Variants in RNASE10 observed in about 807,000 individuals in gnomAD.
RNASE10 encodes inactive ribonuclease-like protein 10.
Under a neutral mutation model 1.1 loss-of-function variants are expected in RNASE10, and 2 were observed. That is an observed-to-expected ratio of 1.82 (90% confidence interval 0.74 to 5.73). RNASE10 has a LOEUF of 5.73. Among genes scored for constraint, RNASE10 ranks in the 30% most tolerant of loss-of-function variants. The probability of loss-of-function intolerance (pLI) is 0.05; values close to 1 mark genes in which losing one functional copy is unlikely to be tolerated. For missense variants in RNASE10, 276 were observed against 263.4 expected (o/e 1.05, Z -0.33); for synonymous variants, 97 against 96.2 (o/e 1.01, Z -0.05).
chr14:20,513,263 G>A (rs186073871), downstream of RNASE10, among the ~76,000 whole-genome samples: 2 of 151,892 alleles, frequency 1.3e-5, no homozygotes, highest in African/African-American at 4.8e-5. Context: ...GTAGACTATC[G>A]CAGGAAAGCA....
chr14:20,513,433 C>T (rs757960339), downstream of RNASE10, among the ~76,000 whole-genome samples: 19 of 152,048 alleles, frequency 1.2e-4, no homozygotes, highest in Non-Finnish European at 1.8e-4. Context: ...AGACTTTCAC[C>T]GAGTCTTCTA....
At chr14:20,507,693 T>A (rs1042845507) in intron 1 of RNASE10, among the ~76,000 whole-genome samples, 4 of 151,792 alleles carry the variant, frequency 2.6e-5, no homozygotes, top group African/African-American at 9.7e-5. Flanking sequence ...ATGAATATTC[T>A]TTATCCAGGT....
At chr14:20,513,079 A>C (rs1299705575), downstream of RNASE10, among the ~76,000 whole-genome samples, 1 of 152,144 alleles carries the variant, frequency 6.6e-6, no homozygotes, top group Admixed American at 6.5e-5. Context: ...TAGTATTCAG[A>C]TGTGGCTCCA....
At chr14:20,504,469 C>G (rs1006655006), upstream of RNASE10, among the ~76,000 whole-genome samples, 1 of 151,852 alleles carries the variant, frequency 6.6e-6, no homozygotes, top group Non-Finnish European at 1.5e-5. Context: ...GGGCGGGTCA[C>G]GAGGTCGGGA....
downstream of RNASE10, among the ~76,000 whole-genome samples, chr14:20,511,489 C>G (rs1193775007): frequency 6.6e-6 from 1 of 152,158 alleles, no homozygotes; most frequent in Non-Finnish European, 1.5e-5. Flanking sequence ...TGCTGCCCAC[C>G]CTGAGCCTCT....
At chr14:20,505,083 G>A, upstream of RNASE10, among the ~76,000 whole-genome samples, 1 of 151,972 alleles carries the variant, frequency 6.6e-6, no homozygotes, top group Non-Finnish European at 1.5e-5. Flanking sequence ...TTGATCTGCG[G>A]TTCTACAAGT....
chr14:20,506,969 GC>G (rs1882751797), intron 1 of RNASE10, among the ~76,000 whole-genome samples: 2 of 142,056 alleles, frequency 1.4e-5, no homozygotes, highest in African/African-American at 2.7e-5. Context: ...CCGGCCAGCC[GC>G]CCCGTCCGGG....
intron 1 of RNASE10, among the ~76,000 whole-genome samples, chr14:20,507,055 C>T (rs1882758366): frequency 6.6e-6 from 1 of 151,008 alleles, no homozygotes; most frequent in Non-Finnish European, 1.5e-5. Flanking sequence ...TCTGCCCGGC[C>T]GCCCCTACTG....
At chr14:20,508,941 T>G (rs78042563) in intron 1 of RNASE10, among the ~76,000 whole-genome samples, 1,574 of 152,286 alleles carry the variant, frequency 0.01, 31 homozygotes, top group African/African-American at 0.036. Context: ...GAGATCATAC[T>G]TTTATCAATT....
intron 1 of RNASE10, among the ~76,000 whole-genome samples, chr14:20,507,630 AT>A (rs370730634): frequency 0.14 from 19,831 of 140,976 alleles, 1,832 homozygotes; most frequent in Middle Eastern, 0.19. Flanking sequence ...AAATAAATAA[AT>A]AAATAAAATT....
intron 1 of RNASE10, among the ~76,000 whole-genome samples, chr14:20,509,255 G>C (rs1325316643): frequency 6.6e-6 from 1 of 152,182 alleles, no homozygotes; most frequent in Non-Finnish European, 1.5e-5. Context: ...CACCATGTTG[G>C]CCAGGCTGAT....
chr14:20,511,950 G>A (rs151136540), downstream of RNASE10, among the ~76,000 whole-genome samples: 1 of 152,068 alleles, frequency 6.6e-6, no homozygotes, highest in African/African-American at 2.4e-5. Flanking sequence ...CTTATGCTAT[G>A]TTGGTCCTAT....
At chr14:20,508,689 C>T in intron 1 of RNASE10, among the ~76,000 whole-genome samples, 1 of 152,006 alleles carries the variant, frequency 6.6e-6, no homozygotes, top group East Asian at 1.9e-4. Context: ...AAACATGCTG[C>T]AATTGGTAAA....
At chr14:20,510,573 G>C (rs374817407) in exon 2 of RNASE10, 19 of 1,614,082 alleles carry the variant, frequency 1.2e-5, no homozygotes, top group Non-Finnish European at 1.5e-5. Context: ...CAGCAGTCTT[G>C]GAGGAGAGTG....
intron 1 of RNASE10, among the ~76,000 whole-genome samples, chr14:20,506,297 G>A (rs1165483998): frequency 1.9e-5 from 2 of 107,928 alleles, no homozygotes; most frequent in Non-Finnish European, 3.8e-5. Flanking sequence ...CAGCCGCCCC[G>A]TCCGGGAGGG....
intron 1 of RNASE10, among the ~76,000 whole-genome samples, chr14:20,507,529 T>G (rs1882777791): frequency 7.2e-6 from 1 of 139,010 alleles, no homozygotes. Context: ...TGTTCACTTG[T>G]TTATCTGCTG....
chr14:20,505,494 T>G (rs1467564865), upstream of RNASE10: 1 of 77,226 alleles, frequency 1.3e-5, no homozygotes, highest in East Asian at 2.7e-4. Flanking sequence ...TCGTACTTTT[T>G]TGGTGGAGAC....
At chr14:20,508,115 T>G (rs1426544272) in intron 1 of RNASE10, among the ~76,000 whole-genome samples, 4 of 152,184 alleles carry the variant, frequency 2.6e-5, no homozygotes, top group African/African-American at 4.8e-5. Flanking sequence ...CATATCCATA[T>G]ATCTATATTC....
rs1882693477 is a variant in RNASE10, at chr14:20,505,974, T to TG, written c.37dup (p.Asp13GlyfsTer54). The TG allele has an allele frequency of 7.8e-6, 1 of 128,068 alleles. No individual in the cohort carries two copies. The highest frequency in any genetic ancestry group is 3.3e-5 in the African/African-American group (1 of 30,356). The allele number at this position is 128,068 out of a possible 1,614,324, so 7.9% of individuals were successfully genotyped here. ...AGCACCTCTGCCCCGCCGCCCTGTC[T>TG]GGGATGTGAGGAGCGCCTCTGCTGG... On this transcript the variant is annotated frameshift_variant, in exon 1 of 2. Transcript: ENST00000430083. LOFTEE classifies it low-confidence loss of function (END_TRUNC).
Sources: allele counts gnomAD v4.1 joint callset (sites outside exome capture counted in the v4.1 genomes callset), GRCh38; gene constraint gnomAD v4.1.1; transcripts MANE v1.5; gene names NCBI Gene and HGNC (gene_info 2026-07-23, HGNC 2026-07-21).